Variants in NOS1AP observed in about 807,000 individuals in gnomAD.
NOS1AP encodes the protein carboxyl-terminal PDZ ligand of neuronal nitric oxide synthase protein.
Under a neutral mutation model 56.2 loss-of-function variants are expected in NOS1AP, and 21 were observed. That is an observed-to-expected ratio of 0.37 (90% CI 0.26 to 0.54). NOS1AP has a LOEUF of 0.54. Ranked by LOEUF, NOS1AP falls within the 20% of genes least tolerant of loss-of-function variation. The probability of loss-of-function intolerance (pLI) is 0.84; values close to 1 mark genes in which losing one functional copy is unlikely to be tolerated. For synonymous variants in NOS1AP, 270 were observed against 274.6 expected (o/e 0.98, Z 0.17); for missense variants, 522 against 657.8 (o/e 0.79, Z 2.26).
chr1:162,113,719 C>T (rs10918688), intron 1 of NOS1AP, among the ~76,000 whole-genome samples: 77,503 of 151,836 alleles, frequency 0.51, 21,832 homozygotes, highest in Non-Finnish European at 0.64. Flanking sequence ...TGGGGAAATC[C>T]GCCCCTATGA....
rs991641979 is a variant in NOS1AP, at chr1:162,070,294, C to T, written c.105+12C>T. ...GCTTTGAGGCCAAGGTGAGGGGGCT[C>T]CGGGGAGGGTGCTACCTGTGGTGGC... is the stretch of plus-strand genomic sequence containing the variant. On this transcript the variant is annotated intron_variant, in intron 1 of 9. Coordinates refer to ENST00000361897, the MANE Select transcript of NOS1AP (RefSeq NM_014697.3). The T allele has an allele frequency of 6.2e-7, 1 of 1,606,542 alleles. No homozygotes were observed. The highest frequency in any genetic ancestry group is 1.1e-5 in the South Asian group (1 of 90,862).
chr1:162,345,851 G>T (rs902879325), intron 6 of NOS1AP, among the ~76,000 whole-genome samples: 2 of 152,130 alleles, frequency 1.3e-5, no homozygotes, highest in African/African-American at 2.4e-5. Context: ...CTGGTGCTTG[G>T]CACAGAGTAT....
At chr1:162,363,825 G>A (rs751572558) in intron 8 of NOS1AP, 86 of 985,318 alleles carry the variant, frequency 8.7e-5, no homozygotes, top group Non-Finnish European at 9.6e-5. Flanking sequence ...ACAAAAAAAT[G>A]AGTCTGACTT....
At chr1:162,347,843 A>C in intron 6 of NOS1AP, among the ~76,000 whole-genome samples, 1 of 152,216 alleles carries the variant, frequency 6.6e-6, no homozygotes, top group East Asian at 1.9e-4. Flanking sequence ...TTTCAGCCAC[A>C]GTCAACGCCG....
chr1:162,299,696 T>C (rs757864973), intron 3 of NOS1AP, among the ~76,000 whole-genome samples: 1 of 152,214 alleles, frequency 6.6e-6, no homozygotes, highest in Non-Finnish European at 1.5e-5. Flanking sequence ...TAAACCAGTC[T>C]AAAATCCACC....
At chr1:162,285,223 G>A (rs966355908) in intron 2 of NOS1AP, among the ~76,000 whole-genome samples, 3 of 152,186 alleles carry the variant, frequency 2.0e-5, no homozygotes, top group African/African-American at 7.2e-5. Flanking sequence ...CCTTTGGCCG[G>A]CAGGAGCAGC....
chr1:162,352,426 T>C (rs750385345), intron 6 of NOS1AP, among the ~76,000 whole-genome samples: 1 of 152,190 alleles, frequency 6.6e-6, no homozygotes, highest in East Asian at 1.9e-4. Flanking sequence ...TGGTATTTTT[T>C]TTTTTTTCTG....
chr1:162,108,973 G>T (rs1037887327), intron 1 of NOS1AP, among the ~76,000 whole-genome samples: 5 of 152,230 alleles, frequency 3.3e-5, no homozygotes, highest in African/African-American at 1.2e-4. Flanking sequence ...GTTCCACATG[G>T]CTGGCGAGGC....
intron 1 of NOS1AP, among the ~76,000 whole-genome samples, chr1:162,152,905 T>C (rs2102093073): frequency 6.6e-6 from 1 of 152,298 alleles, no homozygotes; most frequent in Non-Finnish European, 1.5e-5. Context: ...TTTGCTTGGG[T>C]AGACTTTTAA....
intron 1 of NOS1AP, among the ~76,000 whole-genome samples, chr1:162,100,595 C>G (rs990402203): frequency 4.6e-5 from 7 of 151,768 alleles, no homozygotes; most frequent in African/African-American, 1.7e-4. Context: ...CCTGTTCACT[C>G]TGATGGTATT....
At chr1:162,091,208 C>G (rs1268973527) in intron 1 of NOS1AP, among the ~76,000 whole-genome samples, 1 of 152,098 alleles carries the variant, frequency 6.6e-6, no homozygotes, top group Non-Finnish European at 1.5e-5. Context: ...GGAGTCCTGT[C>G]CTGGGCAATC....
chr1:162,155,627 A>G (rs577417590), intron 2 of NOS1AP, among the ~76,000 whole-genome samples: 134 of 152,220 alleles, frequency 8.8e-4, no homozygotes, highest in African/African-American at 2.9e-3. Context: ...TCTCGCTGGT[A>G]TACATGGTTC....
intron 2 of NOS1AP, among the ~76,000 whole-genome samples, chr1:162,260,689 AGTGATCACACCC>A (rs1654180411): frequency 6.6e-6 from 1 of 152,214 alleles, no homozygotes; most frequent in Admixed American, 6.5e-5. Flanking sequence ...CTAAACTCTT[AGTGATCACACCC>A]ACCTTTTTTT....
chr1:162,312,409 C>T (rs1487468055), intron 4 of NOS1AP, among the ~76,000 whole-genome samples: 215 of 112,920 alleles, frequency 1.9e-3, no homozygotes, highest in South Asian at 2.3e-3. Flanking sequence ...TCATGTCCTT[C>T]GCCCACTTTT....
chr1:162,247,135 T>C (rs1653691797), intron 2 of NOS1AP, among the ~76,000 whole-genome samples: 1 of 152,154 alleles, frequency 6.6e-6, no homozygotes, highest in Non-Finnish European at 1.5e-5. Context: ...TGAGAACTCT[T>C]AGCATGTTTT....
intron 2 of NOS1AP, among the ~76,000 whole-genome samples, chr1:162,178,722 C>G (rs147638338): frequency 6.6e-6 from 1 of 152,346 alleles, no homozygotes; most frequent in Non-Finnish European, 1.5e-5. Context: ...GTTCAGCTCA[C>G]CAGGGTTGCC....
rs1054952675 is a variant in NOS1AP at position 162,273,876 on chromosome 1, C to G, written c.178-13468C>G. 2.0e-5 allele frequency among the ~76,000 whole-genome samples: 3 copies of G among 152,288 alleles called. 1 individual carries two copies. The highest frequency in any genetic ancestry group is 7.2e-5 in the African/African-American group (3 of 41,558). On this transcript the variant is annotated intron_variant, in intron 2 of 9. Transcript: ENST00000361897. ...TCCCCTCTAACTTTCTGTAACAATA[C>G]TGTATCACACATGAACTGCTTATTT...
chr1:162,139,301 A>C (rs1457707984), intron 1 of NOS1AP, among the ~76,000 whole-genome samples: 1 of 151,902 alleles, frequency 6.6e-6, no homozygotes, highest in Non-Finnish European at 1.5e-5. Context: ...CTGGGTTGGA[A>C]GCCAATGTGG....
At chr1:162,326,272 A>C (rs1458552293) in intron 4 of NOS1AP, among the ~76,000 whole-genome samples, 5 of 152,252 alleles carry the variant, frequency 3.3e-5, no homozygotes, top group Admixed American at 2.0e-4. Flanking sequence ...GGCGAGGAAC[A>C]TGGATGTAGA....
Sources: allele counts gnomAD v4.1 joint callset (sites outside exome capture counted in the v4.1 genomes callset), GRCh38; gene constraint gnomAD v4.1.1; transcripts MANE v1.5; gene names NCBI Gene and HGNC (gene_info 2026-07-23, HGNC 2026-07-21).